ANKRD50: variants seen among roughly 807,000 people sequenced by gnomAD.
The protein encoded by ANKRD50 is ankyrin repeat domain 50, also known as ankyrin repeat domain-containing protein 50.
A neutral mutation model predicts 112.0 loss-of-function variants in ANKRD50; 40 were observed. The observed-to-expected ratio is 0.36, with a 90% confidence interval of 0.28 to 0.46. The LOEUF is 0.46. Among genes scored for constraint, ANKRD50 ranks in the 20% least tolerant of loss-of-function variants. The probability of loss-of-function intolerance (pLI) is 1.00; values close to 1 mark genes in which losing one functional copy is unlikely to be tolerated. For synonymous variants in ANKRD50, 613 were observed against 619.1 expected, an observed-to-expected ratio of 0.99 and a Z score of 0.15; for missense variants, 1,487 against 1,701.7, an observed-to-expected ratio of 0.87 and a Z score of 2.22.
intron 4 of ANKRD50, among the ~76,000 whole-genome samples, chr4:124,668,235 A>T (rs1730544771): frequency 6.6e-6 from 1 of 152,052 alleles, no homozygotes; most frequent in Admixed American, 6.6e-5. Flanking sequence ...TTTAACAAAT[A>T]TGACTATTTT....
intron 2 of ANKRD50, among the ~76,000 whole-genome samples, chr4:124,703,949 G>A (rs1227723241): frequency 6.6e-6 from 1 of 152,076 alleles, no homozygotes; most frequent in Non-Finnish European, 1.5e-5. Flanking sequence ...AGAGTACCAG[G>A]AACCAAAGGA....
chr4:124,707,051 A>G (rs1725521743), intron 2 of ANKRD50, among the ~76,000 whole-genome samples: 1 of 152,106 alleles, frequency 6.6e-6, no homozygotes, highest in Non-Finnish European at 1.5e-5. Context: ...ATATGAAACC[A>G]TCAATATTAG....
At chr4:124,712,412 C>T (rs1322511649) in intron 1 of ANKRD50, 46 bp downstream of exon 1, 1 of 156,306 alleles carries the variant, frequency 6.4e-6, no homozygotes, top group African/African-American at 2.4e-5. Flanking sequence ...GCTTCCAACC[C>T]GAGGGAGGGG....
chr4:124,684,213 T>C (rs945362121), intron 2 of ANKRD50, among the ~76,000 whole-genome samples: 2 of 152,192 alleles, frequency 1.3e-5, no homozygotes, highest in Non-Finnish European at 2.9e-5. Flanking sequence ...TTGAGATATA[T>C]TTTATGTATC....
intron 2 of ANKRD50, among the ~76,000 whole-genome samples, chr4:124,692,098 T>C (rs779323413): frequency 4.6e-5 from 7 of 152,198 alleles, no homozygotes; most frequent in Non-Finnish European, 8.8e-5. Context: ...AGATGACACA[T>C]AAATGAATTT....
At position 124,670,271 on chromosome 4, in the gene ANKRD50, A is replaced by G. The variant is rs1395263130; in HGVS notation, c.3006T>C (p.His1002=). ...MEMVQVLIAY[H]ADVNAADNEK... ...CATTGTCTGCAGCATTGACGTCAGC[A>G]TGGTATGCTATCAGGACCTGCACCA... Residue 1002 remains histidine, a synonymous_variant, in exon 4 of 5, where the codon CAT becomes CAC. Coordinates refer to ENST00000504087, the MANE Select transcript of ANKRD50 (RefSeq NM_020337.3). 6.2e-7 allele frequency: 1 copy of G among 1,613,972 alleles called. No individual in the cohort carries two copies. Among genetic ancestry groups the G allele is most frequent in the East Asian group, 2.2e-5 (1 of 44,874 alleles).
chr4:124,690,769 T>A (rs764915176), intron 2 of ANKRD50, among the ~76,000 whole-genome samples: 2 of 152,124 alleles, frequency 1.3e-5, no homozygotes, highest in African/African-American at 2.4e-5. Flanking sequence ...CTACTGTAAG[T>A]TTGGGGTGAA....
At chr4:124,680,103 A>G (rs998963737) in intron 2 of ANKRD50, among the ~76,000 whole-genome samples, 11 of 152,328 alleles carry the variant, frequency 7.2e-5, no homozygotes, top group African/African-American at 2.6e-4. Context: ...TCCCTATTAC[A>G]TGCTTCCATA....
chr4:124,679,826 A>C (rs775120838), intron 2 of ANKRD50, among the ~76,000 whole-genome samples: 1 of 152,270 alleles, frequency 6.6e-6, no homozygotes, highest in South Asian at 2.1e-4. Flanking sequence ...CTGTAGGCCA[A>C]CCTACCTCAA....
At chr4:124,686,749 G>C (rs897392498) in intron 2 of ANKRD50, among the ~76,000 whole-genome samples, 1 of 152,142 alleles carries the variant, frequency 6.6e-6, no homozygotes, top group Non-Finnish European at 1.5e-5. Context: ...AGAAGAATTT[G>C]AGAGCTGAAG....
At position 124,666,183 on chromosome 4, in the gene ANKRD50, A is replaced by G. The variant is rs900642572; in HGVS notation, c.*1335T>C. On this transcript the variant is annotated 3_prime_UTR_variant, in exon 5 of 5. Coordinates refer to ENST00000504087, the MANE Select transcript of ANKRD50 (RefSeq NM_020337.3). ...CATATAAACGACCCATCTAAGCTAC[A>G]GCTCCACTGATTTAAGAGTAAGGAG... is the stretch of plus-strand genomic sequence containing the variant. 19 of 152,414 alleles carry G rather than the reference A, an allele frequency of 1.2e-4. No homozygotes were observed. Among genetic ancestry groups the G allele is most frequent in the African/African-American group, 3.9e-4 (16 of 41,422 alleles). The allele number at this position is 152,414 out of a possible 1,614,324, so 9.4% of individuals were successfully genotyped here. A position where few individuals can be genotyped will look rare whatever the true frequency, so the allele number is the denominator to read the frequency against.
intron 3 of ANKRD50, among the ~76,000 whole-genome samples, chr4:124,674,433 C>G (rs1730726075): frequency 1.3e-5 from 2 of 151,836 alleles, no homozygotes; most frequent in Admixed American, 1.3e-4. Flanking sequence ...TGAGAGTCAA[C>G]TAAGGTAGTA....
chr4:124,695,740 A>T (rs1466094522), intron 2 of ANKRD50, among the ~76,000 whole-genome samples: 1 of 152,208 alleles, frequency 6.6e-6, no homozygotes, highest in African/African-American at 2.4e-5. Flanking sequence ...AGGGTCTTTC[A>T]GAGCTGAAAA....
chr4:124,710,455 T>A lies in ANKRD50; in HGVS notation c.57A>T (p.Gln19His). 1 of 1,614,092 alleles carries A rather than the reference T, an allele frequency of 6.2e-7. No individual in the cohort carries two copies. The highest frequency in any genetic ancestry group is 8.5e-7 in the Non-Finnish European group (1 of 1,180,008). ...VCKMAQTSLL[Q>H]GKQFYCREWV... is the part of the protein sequence containing the mutation. ...ACTCCCTACAGTAAAACTGCTTCCC[T>A]TGCAGTAAACTGGTTTGAGCCATTT... is the stretch of plus-strand genomic sequence containing the variant. The change falls in exon 2 of 5, where the codon CAA becomes CAT. Residue 19 changes from glutamine to histidine, a missense_variant. By Grantham distance (24) the Gln-to-His change is conservative (BLOSUM62 0). This residue lies in a region of ANKRD50 where 1,046 missense variants were observed against 1,269.5 expected (regional missense o/e 0.82). Coordinates refer to ENST00000504087, the MANE Select transcript of ANKRD50 (RefSeq NM_020337.3).
At chr4:124,689,724 C>T (rs1725089891) in intron 2 of ANKRD50, among the ~76,000 whole-genome samples, 1 of 152,158 alleles carries the variant, frequency 6.6e-6, no homozygotes, top group African/African-American at 2.4e-5. Flanking sequence ...TGACATGAAA[C>T]TAGTGGCTCT....
chr4:124,709,588 A>C (rs965712871), intron 2 of ANKRD50, among the ~76,000 whole-genome samples: 7 of 152,088 alleles, frequency 4.6e-5, no homozygotes, highest in Non-Finnish European at 1.0e-4. Context: ...ACTTAAAAAA[A>C]TACTACTACT....
chr4:124,704,023 G>A (rs1366613351), intron 2 of ANKRD50, among the ~76,000 whole-genome samples: 1 of 152,164 alleles, frequency 6.6e-6, no homozygotes, highest in Non-Finnish European at 1.5e-5. Context: ...AAGATTTTCA[G>A]AAGGGAAAGT....
Position 124,666,244 on chromosome 4 carries a change from T to C in ANKRD50, c.*1274A>G, listed in dbSNP as rs1730487168. On this transcript the variant is annotated 3_prime_UTR_variant, in exon 5 of 5. Transcript: ENST00000504087. Reference sequence around the variant, plus strand: ...TGGGACACATGCTCATTTGAACCAATTTTACCTTCCTTGTCATGAATTTCT... The same window carrying C: ...TGGGACACATGCTCATTTGAACCAACTTTACCTTCCTTGTCATGAATTTCT... 1 of 152,436 alleles carries C rather than the reference T, an allele frequency of 6.6e-6. No homozygotes were observed. Among genetic ancestry groups the C allele is most frequent in the Non-Finnish European group, 1.5e-5 (1 of 67,918 alleles). 9.4% of individuals were successfully genotyped at this position (152,436 alleles called of 1,614,324 possible). A position where few individuals can be genotyped will look rare whatever the true frequency, so the allele number is the denominator to read the frequency against.
chr4:124,707,684 T>G (rs940121883), intron 2 of ANKRD50, among the ~76,000 whole-genome samples: 6 of 152,210 alleles, frequency 3.9e-5, no homozygotes, highest in Non-Finnish European at 8.8e-5. Flanking sequence ...GACTAAAGCC[T>G]TCTCTTTTAT....
Sources: gnomAD v4.1 joint callset for allele counts (sites outside exome capture counted in the v4.1 genomes callset) on GRCh38, gnomAD v4.1.1 for gene constraint, gnomAD v4.1.1 regional missense constraint, MANE v1.5 for transcripts, NCBI Gene and HGNC (gene_info 2026-07-23, HGNC 2026-07-21) for gene names.